The following IL15RA variants were observed in gnomAD, a reference collection of about 807,000 sequenced individuals.
The protein encoded by IL15RA is interleukin-15 receptor subunit alpha.
IL15RA carries 26 observed loss-of-function variants against 24.2 expected under a neutral mutation model. That is an observed-to-expected ratio of 1.07 (90% confidence interval 0.79 to 1.49). The LOEUF (loss-of-function observed/expected upper bound fraction) is 1.49. Among genes scored for constraint, IL15RA ranks in the 40% most tolerant of loss-of-function variants. The pLI is 0.00. For missense variants in IL15RA, 354 were observed against 356.4 expected (o/e 0.99, Z 0.05); for synonymous variants, 166 against 157.6 (o/e 1.05, Z -0.40).
rs2132787697 is a variant in IL15RA, at chr10:5,977,522, T to C, written c.-30A>G. ...GCAGCTCCACAGGACACCGCTGGAC[T>C]CCCCGGGCGAGCGCTGCCCAGGCCG... On this transcript the variant is annotated 5_prime_UTR_variant, in exon 1 of 7. Coordinates refer to ENST00000379977, the MANE Select transcript of IL15RA (RefSeq NM_002189.4). 2 of 1,314,928 alleles carry C rather than the reference T, an allele frequency of 1.5e-6. No homozygotes were observed. Among genetic ancestry groups the C allele is most frequent in the Non-Finnish European group, 1.9e-6 (2 of 1,032,378 alleles). The allele number at this position is 1,314,928 out of a possible 1,614,324, so 81.5% of individuals were successfully genotyped here. A position where few individuals can be genotyped will look rare whatever the true frequency, so the allele number is the denominator to read the frequency against.
intron 1 of IL15RA, chr10:5,977,096 C>G: frequency 3.7e-6 from 1 of 273,772 alleles, no homozygotes; most frequent in Non-Finnish European, 6.8e-6. Context: ...TCCGCGCTCC[C>G]GTGGCCAAAA....
chr10:5,977,747 G>T (rs1838691371), upstream of IL15RA: 1 of 893,466 alleles, frequency 1.1e-6, no homozygotes, highest in East Asian at 3.3e-5. Flanking sequence ...GGACGCATGG[G>T]CCGTGCCCGG....
chr10:5,956,360 A>G lies in IL15RA; in HGVS notation c.692+19T>C. On this transcript the variant is annotated intron_variant, in intron 6 of 6. Transcript: ENST00000379977. ...GGGGAAGTCTAACTCTTGCAGAGGG[A>G]GTATCCAGTGCAACTCACCTTGACT... 6 of 1,586,580 alleles carry G rather than the reference A, an allele frequency of 3.8e-6. No individual in the cohort carries two copies. The highest frequency in any genetic ancestry group is 5.2e-6 in the Non-Finnish European group (6 of 1,155,026).
chr10:5,962,803 C>T lies in IL15RA; in HGVS notation c.382+940G>A, dbSNP rs1035694999. 6.6e-6 allele frequency among the ~76,000 whole-genome samples: 1 copy of T among 152,182 alleles called. No homozygotes were observed. Among genetic ancestry groups the T allele is most frequent in the African/African-American group, 2.4e-5 (1 of 41,420 alleles). On this transcript the variant is annotated intron_variant, in intron 3 of 6. Transcript: ENST00000379977. The surrounding 1 kb of genome is among the most constrained non-coding windows in gnomAD (Gnocchi z 5.2). ...GAGTAGACAGGACCAGGGAAAGCCA[C>T]AGGCTGGACGATGCAACACTAAAGC...
Position 5,960,609 on chromosome 10 carries a change from C to T in IL15RA, c.383-42G>A, listed in dbSNP as rs1274984888. 3 of 1,531,964 alleles carry T rather than the reference C, an allele frequency of 2.0e-6. No individual in the cohort carries two copies. The African/African-American group carries it at 4.1e-5, about 21-fold the overall frequency. The allele number at this position is 1,531,964 out of a possible 1,614,324, so 94.9% of individuals were successfully genotyped here. A position where few individuals can be genotyped will look rare whatever the true frequency, so the allele number is the denominator to read the frequency against. On this transcript the variant is annotated intron_variant, in intron 3 of 6. Coordinates refer to ENST00000379977, the MANE Select transcript of IL15RA (RefSeq NM_002189.4). This position sits in a 1 kb window ranked among gnomAD's most constrained non-coding sequence, Gnocchi z 5.1. ...GGCAGGGACAACATCAGTGTGCAGA[C>T]TCCCCTCCTCTCAGCTGCAGCACGG...
Position 5,966,397 on chromosome 10 carries a change from C to T in IL15RA, c.89-58G>A, listed in dbSNP as rs1836545922. The T allele has an allele frequency of 2.4e-5, 34 of 1,437,674 alleles. No homozygotes were observed. Among genetic ancestry groups the T allele is most frequent in the Non-Finnish European group, 3.3e-5 (34 of 1,029,930 alleles). 89.1% of individuals were successfully genotyped at this position (1,437,674 alleles called of 1,614,324 possible). ...GAGGTTTCCACTTGTAAGAGGCGTT[C>T]TCCAGGCACACGCAGCGGTAGTCAG... On this transcript the variant is annotated intron_variant, in intron 1 of 6. Coordinates refer to ENST00000379977, the MANE Select transcript of IL15RA (RefSeq NM_002189.4). The surrounding 1 kb of genome is among the most constrained non-coding windows in gnomAD (Gnocchi z 6.4).
Position 5,967,382 on chromosome 10 carries a change from T to G in IL15RA, c.89-1043A>C, listed in dbSNP as rs1190500637. Among the ~76,000 whole-genome samples the G allele has an allele frequency of 1.3e-5, 2 of 152,148 alleles. No individual in the cohort carries two copies. Among genetic ancestry groups the G allele is most frequent in the Non-Finnish European group, 2.9e-5 (2 of 68,034 alleles). On this transcript the variant is annotated intron_variant, in intron 1 of 6. Coordinates refer to ENST00000379977, the MANE Select transcript of IL15RA (RefSeq NM_002189.4). The surrounding 1 kb of genome is among the most constrained non-coding windows in gnomAD (Gnocchi z 4.4). ...ACCACACCCAGCTAATTTTTGTATT[T>G]TTAGTAGAGACAGGGTTTCACCATT...
chr10:5,949,070 C>T (rs768197054), downstream of IL15RA: 2 of 364,418 alleles, frequency 5.5e-6, no homozygotes, highest in Non-Finnish European at 1.1e-5. The surrounding 1 kb of genome is among the most constrained non-coding windows in gnomAD (Gnocchi z 4.4). Flanking sequence ...ATTCACTGGG[C>T]TTAGCATCTC....
chr10:5,956,412 G>A lies in IL15RA; in HGVS notation c.659C>T (p.Ala220Val), dbSNP rs765547329. The A allele has an allele frequency of 3.7e-6, 6 of 1,614,110 alleles. No individual in the cohort carries two copies. Among genetic ancestry groups the A allele is most frequent in the Non-Finnish European group, 5.1e-6 (6 of 1,179,976 alleles). Residue 220 changes from alanine (A) to valine (V), a missense_variant, in exon 6 of 7, where the codon GCT becomes GTT. Ala to Val is a moderately conservative substitution (Grantham distance 64, BLOSUM62 0). Transcript: ENST00000379977. ...GAGGTAGCATGCCAGGAGAGACACA[G>A]CGCTCAGCCCACACAGCAGGACAGT... Reference protein sequence around the residue: ...TSTVLLCGLSAVSLLACYLKS... With the variant: ...TSTVLLCGLSVVSLLACYLKS...
rs184459399 is a variant in IL15RA at position 5,973,562 on chromosome 10, A to C, written c.88+3843T>G. 2.2e-4 allele frequency among the ~76,000 whole-genome samples: 33 copies of C among 152,362 alleles called. No homozygotes were observed. The highest frequency in any genetic ancestry group is 2.0e-3 in the Admixed American group (30 of 15,304). On this transcript the variant is annotated intron_variant, in intron 1 of 6. Coordinates refer to ENST00000379977, the MANE Select transcript of IL15RA (RefSeq NM_002189.4). This position sits in a 1 kb window ranked among gnomAD's most constrained non-coding sequence, Gnocchi z 4.5. ...GGTATAAGAGAAGGTCAGTGAAGATAATCTTTTCAATAAAGGGTGCTGGAA... is the reference window on the plus strand; with the variant it reads ...GGTATAAGAGAAGGTCAGTGAAGATCATCTTTTCAATAAAGGGTGCTGGAA...
In IL15RA at chr10:5,977,396, G is replaced by T; in HGVS notation, c.88+9C>A. 1 of 1,285,556 alleles carries T rather than the reference G, an allele frequency of 7.8e-7. No individual in the cohort carries two copies. The highest frequency in any genetic ancestry group is 3.2e-5 in the East Asian group (1 of 31,634). The allele number at this position is 1,285,556 out of a possible 1,614,324, so 79.6% of individuals were successfully genotyped here. On this transcript the variant is annotated intron_variant, in intron 1 of 6. Coordinates refer to ENST00000379977, the MANE Select transcript of IL15RA (RefSeq NM_002189.4). ...TCCCGCCCGGGCGCCCCTGCTCCCA[G>T]CTCCCTACCCCGCGTCGCCGGCGGC...
chr10:5,961,879 G>A lies in IL15RA; in HGVS notation c.383-1312C>T, dbSNP rs1197870443. On this transcript the variant is annotated intron_variant, in intron 3 of 6. Coordinates refer to ENST00000379977, the MANE Select transcript of IL15RA (RefSeq NM_002189.4). This position sits in a 1 kb window ranked among gnomAD's most constrained non-coding sequence, Gnocchi z 5.2. ...CACACAGGTCATGAGAAGGCCTCACGCCCCTTAATCCTGTGTCACCACCTT... is the reference window on the plus strand; with the variant it reads ...CACACAGGTCATGAGAAGGCCTCACACCCCTTAATCCTGTGTCACCACCTT... Among the ~76,000 whole-genome samples the A allele has an allele frequency of 3.9e-5, 6 of 152,170 alleles. No homozygotes were observed. The highest frequency in any genetic ancestry group is 1.3e-4 in the Admixed American group (2 of 15,278).
downstream of IL15RA, chr10:5,949,109 C>A (rs576371636): frequency 5.0e-6 from 2 of 399,592 alleles, no homozygotes; most frequent in South Asian, 3.7e-5. This position sits in a 1 kb window ranked among gnomAD's most constrained non-coding sequence, Gnocchi z 4.4. Flanking sequence ...CCTGTCAGTG[C>A]GTGCAGCACA....
At chr10:5,957,181 A>C (rs961605352) in intron 5 of IL15RA, among the ~76,000 whole-genome samples, 2 of 151,536 alleles carry the variant, frequency 1.3e-5, no homozygotes, top group African/African-American at 4.9e-5. Flanking sequence ...GGCTAGTCTC[A>C]AACTCCTGAC....
Position 5,975,720 on chromosome 10 carries a change from C to A in IL15RA, c.88+1685G>T, listed in dbSNP as rs1233322156. On this transcript the variant is annotated intron_variant, in intron 1 of 6. Coordinates refer to ENST00000379977, the MANE Select transcript of IL15RA (RefSeq NM_002189.4). This position sits in a 1 kb window ranked among gnomAD's most constrained non-coding sequence, Gnocchi z 4.8. Reference sequence around the variant, plus strand: ...ATCAGCCTGACCAACATGATGAAACCCCGTCTCTATTAAAAACACAAAAGT... The same window carrying A: ...ATCAGCCTGACCAACATGATGAAACACCGTCTCTATTAAAAACACAAAAGT... 6.6e-6 allele frequency among the ~76,000 whole-genome samples: 1 copy of A among 151,908 alleles called. No homozygotes were observed. Among genetic ancestry groups the A allele is most frequent in the African/African-American group, 2.4e-5 (1 of 41,330 alleles).
intron 5 of IL15RA, among the ~76,000 whole-genome samples, chr10:5,957,253 G>A (rs554190260): frequency 2.0e-5 from 3 of 151,970 alleles, no homozygotes; most frequent in South Asian, 2.1e-4. Flanking sequence ...GAGCCACTGC[G>A]TCCAGTCTAC....
rs554635029 is a variant in IL15RA, at chr10:5,967,942, C to T, written c.89-1603G>A. On this transcript the variant is annotated intron_variant, in intron 1 of 6. Transcript: ENST00000379977. The surrounding 1 kb of genome is among the most constrained non-coding windows in gnomAD (Gnocchi z 4.4). ...GATGTGGTGGTGGGCGCCTGTAATC[C>T]CAGCTACTCAGGAGGCTGAGGCAGG... Among the ~76,000 whole-genome samples the T allele has an allele frequency of 1.1e-3, 167 of 152,012 alleles. No individual in the cohort carries two copies. The highest frequency in any genetic ancestry group is 1.8e-3 in the Non-Finnish European group (122 of 67,978).
Position 5,953,609 on chromosome 10 carries a change from C to A in IL15RA, c.693-403G>T, listed in dbSNP as rs903521233. Among the ~76,000 whole-genome samples the A allele has an allele frequency of 4.6e-5, 7 of 152,176 alleles. No homozygotes were observed. Among genetic ancestry groups the A allele is most frequent in the Admixed American group, 3.3e-4 (5 of 15,272 alleles). On this transcript the variant is annotated intron_variant, in intron 6 of 6. Transcript: ENST00000379977. The surrounding 1 kb of genome is among the most constrained non-coding windows in gnomAD (Gnocchi z 5.3). Reference sequence around the variant, plus strand: ...TGTTGGAGCAACTTACGCCACCCTGCCATCACCCCACGCTTTGCCAGTCCT... The same window carrying A: ...TGTTGGAGCAACTTACGCCACCCTGACATCACCCCACGCTTTGCCAGTCCT...
chr10:5,974,190 G>C (rs1190577004), intron 1 of IL15RA, among the ~76,000 whole-genome samples: 1 of 152,110 alleles, frequency 6.6e-6, no homozygotes, highest in Admixed American at 6.5e-5. Context: ...AGTAGAGAAG[G>C]GGTTTTACCA....
Sources: gnomAD v4.1 joint callset for allele counts (sites outside exome capture counted in the v4.1 genomes callset) on GRCh38, gnomAD v4.1.1 for gene constraint, Gnocchi (gnomAD v3.1) non-coding constraint, MANE v1.5 for transcripts, NCBI Gene and HGNC (gene_info 2026-07-23, HGNC 2026-07-21) for gene names.